The following SETD9 variants were observed in gnomAD, a reference collection of about 807,000 sequenced individuals.
SETD9 encodes the protein SET domain containing 9, also known as SET domain-containing protein 9.
In SETD9, 37 loss-of-function variants were observed where a neutral mutation model predicts 36.4. The observed-to-expected ratio is 1.02, with a 90% CI of 0.78 to 1.34. The LOEUF (loss-of-function observed/expected upper bound fraction) is 1.34. Among genes scored for constraint, SETD9 ranks in the 40% most tolerant of loss-of-function variants. The probability of loss-of-function intolerance (pLI) is 0.00; values close to 1 mark genes in which losing one functional copy is unlikely to be tolerated. For synonymous variants in SETD9, 128 were observed against 132.9 expected (o/e 0.96, Z 0.26); for missense variants, 323 against 353.2 (o/e 0.91, Z 0.69).
At chr5:56,918,430 C>CACTT (rs1204496669), downstream of SETD9, among the ~76,000 whole-genome samples, 2 of 152,166 alleles carry the variant, frequency 1.3e-5, no homozygotes, top group Non-Finnish European at 2.9e-5. Flanking sequence ...TTCTCTTTAG[C>CACTT]ACTTACCACC....
In SETD9 at chr5:56,911,552, ATAT is replaced by A; in HGVS notation, c.466+20_466+22del. ...ATGTATCCTGGTAACAGCACGATTA[ATAT>A]TATACTTTGCCAAGCTTCTTACGTA... On this transcript the variant is annotated intron_variant, in intron 2 of 5. Coordinates refer to ENST00000285947, the MANE Select transcript of SETD9 (RefSeq NM_153706.4). 1 of 1,507,836 alleles carries A rather than the reference ATAT, an allele frequency of 6.6e-7. No individual in the cohort carries two copies. The highest frequency in any genetic ancestry group is 2.3e-5 in the East Asian group (1 of 43,768). The allele number at this position is 1,507,836 out of a possible 1,614,324, so 93.4% of individuals were successfully genotyped here. A position where few individuals can be genotyped will look rare whatever the true frequency, so the allele number is the denominator to read the frequency against.
At chr5:56,920,783 A>T (rs1346040207), downstream of SETD9, 1 of 152,356 alleles carries the variant, frequency 6.6e-6, no homozygotes. Flanking sequence ...ATTGAATTAG[A>T]TCTAAAAAGA....
At position 56,909,610 on chromosome 5, in the gene SETD9, C is replaced by A. The variant is rs745505205; in HGVS notation, c.-36C>A. ...GGGCCCGAGGCCTCGATCCGCCTTC[C>A]CCGCGCCGTCCTGGTCACGGCCCCG... is the stretch of plus-strand genomic sequence containing the variant. On this transcript the variant is annotated 5_prime_UTR_variant, in exon 1 of 6. Coordinates refer to ENST00000285947, the MANE Select transcript of SETD9 (RefSeq NM_153706.4). The A allele has an allele frequency of 4.5e-6, 7 of 1,559,390 alleles. No individual in the cohort carries two copies. The highest frequency in any genetic ancestry group is 6.1e-6 in the Non-Finnish European group (7 of 1,151,792).
At position 56,911,482 on chromosome 5, in the gene SETD9, G is replaced by T; in HGVS notation, c.412G>T (p.Val138Phe). Residue 138 changes from valine (V) to phenylalanine (F), a missense_variant, in exon 2 of 6, where the codon GTC becomes TTC. Coordinates refer to ENST00000285947, the MANE Select transcript of SETD9 (RefSeq NM_153706.4). ...TSSLISAGKG[V>F]FVTKGLVPKG... ...CTCATTGATTTCTGCTGGAAAAGGT[G>T]TCTTCGTTACTAAAGGATTGGTACC... 1 of 1,604,518 alleles carries T rather than the reference G, an allele frequency of 6.2e-7. No individual in the cohort carries two copies. Among genetic ancestry groups the T allele is most frequent in the Non-Finnish European group, 8.5e-7 (1 of 1,176,738 alleles).
In SETD9 at chr5:56,917,169, A is replaced by C; in HGVS notation, c.*267A>C. Reference sequence around the variant, plus strand: ...ACAATAGCTTATTAAATTAAAACCTACTCTTTGAACTTATAATTTCAATTT... The same window carrying C: ...ACAATAGCTTATTAAATTAAAACCTCCTCTTTGAACTTATAATTTCAATTT... On this transcript the variant is annotated 3_prime_UTR_variant, in exon 6 of 6. Transcript: ENST00000285947. The C allele has an allele frequency of 1.8e-6, 2 of 1,105,056 alleles. No individual in the cohort carries two copies. The highest frequency in any genetic ancestry group is 2.2e-6 in the Non-Finnish European group (2 of 907,960). The allele number at this position is 1,105,056 out of a possible 1,614,324, so 68.5% of individuals were successfully genotyped here.
In SETD9 at chr5:56,913,997, G is replaced by C; in HGVS notation, c.706+8G>C. ...TCAACAATTGTTCCAATGGTAAGAA[G>C]GCATCATGGGGCTGTGAGATGAGAT... On this transcript the variant is annotated splice_region_variant and intron_variant, in intron 4 of 5. Coordinates refer to ENST00000285947, the MANE Select transcript of SETD9 (RefSeq NM_153706.4). The C allele has an allele frequency of 1.3e-6, 2 of 1,574,108 alleles. No homozygotes were observed. The highest frequency in any genetic ancestry group is 1.7e-6 in the Non-Finnish European group (2 of 1,143,526).
At chr5:56,923,431 A>G (rs551756864) in intron 5 of SETD9, 1 of 1,614,120 alleles carries the variant, frequency 6.2e-7, no homozygotes, top group East Asian at 2.2e-5. Flanking sequence ...TAAAACAATC[A>G]CTTTCCCCAT....
chr5:56,928,603 A>T (rs879224062), downstream of SETD9: 1 of 506,286 alleles, frequency 2.0e-6, no homozygotes, highest in Admixed American at 3.7e-5. Context: ...TTCCATAAGC[A>T]GGCTGTGGCA....
chr5:56,914,117 T>G, intron 4 of SETD9, 128 bp downstream of exon 4: 1 of 547,986 alleles, frequency 1.8e-6, no homozygotes, highest in Non-Finnish European at 3.2e-6. Flanking sequence ...CTTAAGCAAC[T>G]CTCACTTTTG....
intron 4 of SETD9, 30 bp downstream of exon 4, chr5:56,914,019 A>T (rs762043674): frequency 1.3e-6 from 2 of 1,486,062 alleles, no homozygotes; most frequent in Admixed American, 3.4e-5. Flanking sequence ...CTGTGAGATG[A>T]GATATATCAA....
chr5:56,912,557 C>A (rs1195014522), intron 2 of SETD9, among the ~76,000 whole-genome samples: 1 of 152,122 alleles, frequency 6.6e-6, no homozygotes, highest in Non-Finnish European at 1.5e-5. Flanking sequence ...ATAGGAAGCA[C>A]TCGGTAAATA....
intron 5 of SETD9, among the ~76,000 whole-genome samples, chr5:56,916,062 C>T (rs571375325): frequency 9.3e-4 from 141 of 152,150 alleles, no homozygotes; most frequent in African/African-American, 3.2e-3. Flanking sequence ...CCATATACTC[C>T]GGGGCATGAT....
chr5:56,923,959 C>T lies in SETD9; in HGVS notation c.813-1374C>T, dbSNP rs185703021. 4.3e-6 allele frequency: 7 copies of T among 1,614,070 alleles called. No homozygotes were observed. The Admixed American group carries it at 6.7e-5, about 15-fold the overall frequency. ...TATATCTTTTTTTCCCAAATCTTGT[C>T]TGTTGAGCAAAGTAATCATAACGTT... On this transcript the variant is annotated intron_variant, in intron 5 of 5. Coordinates refer to the SETD9 transcript ENST00000628593.
rs1054301803 is a variant in SETD9 at position 56,909,628 on chromosome 5, C to T, written c.-18C>T. ...CGCCTTCCCCGCGCCGTCCTGGTCA[C>T]GGCCCCGCGGGGCAGCCATGCCTGG... On this transcript the variant is annotated 5_prime_UTR_variant, in exon 1 of 6. The change creates a new upstream start codon in the 5' untranslated region. Coordinates refer to ENST00000285947, the MANE Select transcript of SETD9 (RefSeq NM_153706.4). The T allele has an allele frequency of 8.8e-6, 14 of 1,594,300 alleles. No homozygotes were observed. Among genetic ancestry groups the T allele is most frequent in the Admixed American group, 3.4e-5 (2 of 58,524 alleles).
intron 1 of SETD9, chr5:56,910,360 CA>C (rs1561216350): frequency 7.7e-7 from 1 of 1,304,258 alleles, no homozygotes; most frequent in Non-Finnish European, 1.0e-6. Flanking sequence ...GAACGCCACT[CA>C]AAAGCACGTC....
At chr5:56,914,121 A>C (rs1749303539) in intron 4 of SETD9, 132 bp downstream of exon 4, 3 of 530,572 alleles carry the variant, frequency 5.7e-6, no homozygotes, top group Non-Finnish European at 6.7e-6. Flanking sequence ...AGCAACTCTC[A>C]CTTTTGGGGG....
chr5:56,911,750 CT>C (rs920912608), intron 2 of SETD9, among the ~76,000 whole-genome samples: 9 of 152,310 alleles, frequency 5.9e-5, no homozygotes, highest in Admixed American at 5.9e-4. Context: ...GATAAATGCA[CT>C]TTTTCTTTCA....
intron 3 of SETD9, 86 bp from the exon 4 acceptor site, chr5:56,913,788 A>C (rs866223931): frequency 1.4e-6 from 1 of 711,666 alleles, no homozygotes; most frequent in Non-Finnish European, 2.3e-6. Context: ...TTAAGAAAAA[A>C]TGCACTGGTG....
intron 5 of SETD9, chr5:56,923,440 A>G (rs1749778910): frequency 6.2e-7 from 1 of 1,614,144 alleles, no homozygotes. Context: ...CACTTTCCCC[A>G]TTGCTGGGCA....
Sources: allele counts gnomAD v4.1 joint callset (sites outside exome capture counted in the v4.1 genomes callset), GRCh38; gene constraint gnomAD v4.1.1; transcripts MANE v1.5; gene names NCBI Gene and HGNC (gene_info 2026-07-23, HGNC 2026-07-21).